Variants in DNAJC3 observed in about 807,000 individuals in gnomAD.
The protein encoded by DNAJC3 is DnaJ heat shock protein family (Hsp40) member C3.
A neutral mutation model predicts 68.6 loss-of-function variants in DNAJC3; 38 were observed. That is an observed-to-expected ratio of 0.55 (90% CI 0.43 to 0.73). The LOEUF is 0.73. Among genes scored for constraint, DNAJC3 ranks in the 30% least tolerant of loss-of-function variants. The pLI is 0.00. For missense variants in DNAJC3, 526 were observed against 591.9 expected (o/e 0.89, Z 1.16); for synonymous variants, 203 against 204.0 (o/e 1.00, Z 0.04).
intron 1 of DNAJC3, among the ~76,000 whole-genome samples, chr13:95,704,018 C>T (rs1179517981): frequency 2.0e-5 from 3 of 152,204 alleles, no homozygotes; most frequent in African/African-American, 7.2e-5. Context: ...TGCAAAATAG[C>T]ACACTTGTTT....
chr13:95,779,200 A>C (rs187062100), intron 9 of DNAJC3, among the ~76,000 whole-genome samples: 51 of 143,484 alleles, frequency 3.6e-4, no homozygotes, highest in East Asian at 1.0e-3. Flanking sequence ...TTTCAGCTCA[A>C]TGCAAGCTCC....
At chr13:95,692,187 G>T (rs1412238676) in intron 1 of DNAJC3, among the ~76,000 whole-genome samples, 1 of 152,140 alleles carries the variant, frequency 6.6e-6, no homozygotes, top group Non-Finnish European at 1.5e-5. Flanking sequence ...ACTTTCCATG[G>T]CCAAGCATAT....
At chr13:95,713,052 T>C (rs1478883803) in intron 2 of DNAJC3, among the ~76,000 whole-genome samples, 1 of 152,100 alleles carries the variant, frequency 6.6e-6, no homozygotes, top group African/African-American at 2.4e-5. Context: ...AGAGGATGTG[T>C]CTGCTGCCCC....
chr13:95,734,514 G>A (rs959327573), intron 4 of DNAJC3, among the ~76,000 whole-genome samples: 1 of 152,158 alleles, frequency 6.6e-6, no homozygotes, highest in Non-Finnish European at 1.5e-5. Context: ...TTTTTGAACT[G>A]TATCTATTTT....
intron 4 of DNAJC3, among the ~76,000 whole-genome samples, chr13:95,756,984 T>C (rs1882682042): frequency 1.3e-5 from 2 of 152,194 alleles, no homozygotes; most frequent in African/African-American, 2.4e-5. Flanking sequence ...TAAAAAATCA[T>C]AGAATTGTAC....
At chr13:95,734,926 G>A (rs1237084317) in intron 4 of DNAJC3, among the ~76,000 whole-genome samples, 6 of 143,894 alleles carry the variant, frequency 4.2e-5, no homozygotes, top group African/African-American at 1.3e-4. Context: ...CCACTAACTC[G>A]TCATCTAGCA....
At chr13:95,683,552 A>G (rs529206691) in intron 1 of DNAJC3, among the ~76,000 whole-genome samples, 9 of 152,174 alleles carry the variant, frequency 5.9e-5, no homozygotes, top group Non-Finnish European at 8.8e-5. Context: ...CCATGATTGT[A>G]AATTTCCTGA....
chr13:95,749,083 T>C (rs1017290814), intron 4 of DNAJC3, among the ~76,000 whole-genome samples: 1 of 152,210 alleles, frequency 6.6e-6, no homozygotes, highest in Admixed American at 6.5e-5. Context: ...GAAGAATAAA[T>C]GCTGCCAATT....
chr13:95,740,480 C>T (rs113856982), intron 4 of DNAJC3, among the ~76,000 whole-genome samples: 2,542 of 152,296 alleles, frequency 0.017, 45 homozygotes, highest in African/African-American at 0.058. Flanking sequence ...GGGCGTAGGA[C>T]CCTCCGAGCC....
At chr13:95,699,980 G>A (rs556119300) in intron 1 of DNAJC3, among the ~76,000 whole-genome samples, 8 of 152,086 alleles carry the variant, frequency 5.3e-5, no homozygotes, top group African/African-American at 1.9e-4. Flanking sequence ...ACCACACCAG[G>A]CTCATTTTTA....
chr13:95,690,192 G>C (rs1009988446), intron 1 of DNAJC3, among the ~76,000 whole-genome samples: 4 of 151,828 alleles, frequency 2.6e-5, no homozygotes, highest in African/African-American at 9.7e-5. Flanking sequence ...TGACTCTTAA[G>C]GAGCATGCTG....
chr13:95,688,249 A>G (rs1880120892), intron 1 of DNAJC3, among the ~76,000 whole-genome samples: 1 of 152,216 alleles, frequency 6.6e-6, no homozygotes, highest in Non-Finnish European at 1.5e-5. Flanking sequence ...TTCTTTTCCT[A>G]TTTGGATGCC....
At chr13:95,707,353 C>T (rs1200330180) in intron 1 of DNAJC3, among the ~76,000 whole-genome samples, 1 of 152,192 alleles carries the variant, frequency 6.6e-6, no homozygotes, top group Non-Finnish European at 1.5e-5. Flanking sequence ...ACCCACCCCA[C>T]ATCAAAGTCC....
intron 1 of DNAJC3, among the ~76,000 whole-genome samples, chr13:95,705,507 T>C (rs1391856371): frequency 6.8e-6 from 1 of 147,380 alleles, no homozygotes; most frequent in African/African-American, 2.6e-5. Flanking sequence ...CATTTCTCCC[T>C]CTCTCTCTCT....
intron 4 of DNAJC3, chr13:95,743,093 T>TTATGGGAC (rs1448377619): frequency 2.8e-6 from 1 of 358,746 alleles, no homozygotes; most frequent in Non-Finnish European, 5.4e-6. Flanking sequence ...GGCTGTACTT[T>TTATGGGAC]TATGGGACTA....
At chr13:95,711,127 T>C (rs994178534) in intron 2 of DNAJC3, among the ~76,000 whole-genome samples, 1 of 152,216 alleles carries the variant, frequency 6.6e-6, no homozygotes, top group Non-Finnish European at 1.5e-5. Context: ...ACTCAGATTT[T>C]TATTATTCAG....
chr13:95,690,481 G>A (rs1452989133), intron 1 of DNAJC3, among the ~76,000 whole-genome samples: 8 of 151,380 alleles, frequency 5.3e-5, no homozygotes, highest in African/African-American at 7.3e-5. Context: ...ATCATGGCCC[G>A]TTCTCAATGA....
intron 4 of DNAJC3, among the ~76,000 whole-genome samples, chr13:95,735,543 G>C (rs1490887463): frequency 6.6e-6 from 1 of 150,870 alleles, no homozygotes; most frequent in Non-Finnish European, 1.5e-5. Context: ...TCTCATTGTG[G>C]TTTTGATTTG....
chr13:95,709,245 A>G lies in DNAJC3; in HGVS notation c.101A>G (p.Asn34Ser), dbSNP rs767846010. 1 of 1,577,014 alleles carries G rather than the reference A, an allele frequency of 6.3e-7. No individual in the cohort carries two copies. The highest frequency in any genetic ancestry group is 1.2e-5 in the South Asian group (1 of 82,998). ...LQYEGAECGV[N>S]ADVEKHLELG... ...TTTTTAGGTGCTGAATGTGGAGTAA[A>G]TGCAGATGTTGAGAAACATCTTGAA... is the stretch of plus-strand genomic sequence containing the variant. Residue 34 changes from asparagine (N) to serine (S), a missense_variant, in exon 2 of 12, where the codon AAT becomes AGT. Transcript: ENST00000602402.
Sources: allele counts gnomAD v4.1 joint callset (sites outside exome capture counted in the v4.1 genomes callset), GRCh38; gene constraint gnomAD v4.1.1; transcripts MANE v1.5; gene names NCBI Gene and HGNC (gene_info 2026-07-23, HGNC 2026-07-21).